The following CLSTN2 variants were observed in gnomAD, a reference collection of about 807,000 sequenced individuals.
CLSTN2 encodes calsyntenin 2, also known as calsyntenin-2.
In CLSTN2, 48 loss-of-function variants were observed where a neutral mutation model predicts 101.2. That is an observed-to-expected ratio of 0.47 (90% CI 0.38 to 0.60). The LOEUF (loss-of-function observed/expected upper bound fraction) is 0.60, where lower values mean the gene tolerates loss of function less well. Ranked by LOEUF, CLSTN2 falls within the 20% of genes least tolerant of loss-of-function variation. CLSTN2 has a pLI of 0.00. For synonymous variants in CLSTN2, 481 were observed against 463.6 expected, an observed-to-expected ratio of 1.04 and a Z score of -0.48; for missense variants, 1,160 against 1,238.2, an observed-to-expected ratio of 0.94 and a Z score of 0.95.
At chr3:140,365,287 T>C (rs2087773698) in intron 2 of CLSTN2, among the ~76,000 whole-genome samples, 1 of 152,070 alleles carries the variant, frequency 6.6e-6, no homozygotes, top group Non-Finnish European at 1.5e-5. Context: ...TTGGTGTTGA[T>C]ACAGAGGTGG....
Position 140,089,580 on chromosome 3 carries a change from T to A in CLSTN2, c.110-86371T>A, listed in dbSNP as rs556500502. On this transcript the variant is annotated intron_variant, in intron 1 of 16. Coordinates refer to ENST00000458420, the MANE Select transcript of CLSTN2 (RefSeq NM_022131.3). ...TATTTTGGTCTTCCTTTTCAGCTGGTTTTATTTATTTATTTATTTATTTAT... is the reference window on the plus strand; with the variant it reads ...TATTTTGGTCTTCCTTTTCAGCTGGATTTATTTATTTATTTATTTATTTAT... Among the ~76,000 whole-genome samples, 45 of 146,040 alleles carry A rather than the reference T, an allele frequency of 3.1e-4. No homozygotes were observed. In the South Asian group the frequency reaches 9.3e-3, roughly 30 times the overall value.
At chr3:140,048,047 A>T (rs1413237321) in intron 1 of CLSTN2, among the ~76,000 whole-genome samples, 2 of 152,240 alleles carry the variant, frequency 1.3e-5, no homozygotes, top group African/African-American at 2.4e-5. Context: ...AAATGACCAG[A>T]AGAATATTGT....
At chr3:140,060,250 C>T (rs1216239623) in intron 1 of CLSTN2, among the ~76,000 whole-genome samples, 1 of 152,094 alleles carries the variant, frequency 6.6e-6, no homozygotes, top group Admixed American at 6.6e-5. Context: ...ACTGGTTCTC[C>T]AGATGGTAGG....
intron 8 of CLSTN2, among the ~76,000 whole-genome samples, chr3:140,509,781 C>T (rs1934771913): frequency 6.6e-6 from 1 of 152,184 alleles, no homozygotes; most frequent in Non-Finnish European, 1.5e-5. Flanking sequence ...CACATCAACA[C>T]CGTCAGCTCT....
chr3:140,167,212 C>T (rs992759908), intron 1 of CLSTN2, among the ~76,000 whole-genome samples: 1 of 152,192 alleles, frequency 6.6e-6, no homozygotes. Flanking sequence ...TGTGGCTGGC[C>T]TTGCTCCTTC....
At chr3:140,545,689 A>G (rs1447969226) in intron 9 of CLSTN2, among the ~76,000 whole-genome samples, 1 of 152,154 alleles carries the variant, frequency 6.6e-6, no homozygotes, top group African/African-American at 2.4e-5. Context: ...CCAGGGAGAA[A>G]AAAGGAGGGA....
At chr3:140,284,025 C>T (rs546237949) in intron 2 of CLSTN2, among the ~76,000 whole-genome samples, 9 of 152,146 alleles carry the variant, frequency 5.9e-5, no homozygotes, top group Non-Finnish European at 1.3e-4. Flanking sequence ...GTAAATTTCA[C>T]CTTGAGCAGC....
In CLSTN2 at chr3:140,448,547, T is replaced by C. The variant is rs374901988; in HGVS notation, c.816T>C (p.Pro272=). The change falls in exon 6 of 17, where the codon CCT becomes CCC. Residue 272 remains proline, a synonymous_variant. Transcript: ENST00000458420. ...GGACCAAGAGGATTGAGTACCAGCC[T>C]GGCTCCGGGAGCATGCCCCTGTTCC... The part of the protein sequence containing the change: ...QDWTKRIEYQ[P]GSGSMPLFPS... The C allele has an allele frequency of 9.3e-6, 15 of 1,613,978 alleles. No individual in the cohort carries two copies. The highest frequency in any genetic ancestry group is 2.7e-5 in the African/African-American group (2 of 74,922).
chr3:140,218,366 G>T (rs560517759), intron 2 of CLSTN2, among the ~76,000 whole-genome samples: 3 of 152,236 alleles, frequency 2.0e-5, no homozygotes, highest in African/African-American at 7.2e-5. Flanking sequence ...TGGTGTTTCT[G>T]CCATAATCCA....
At chr3:140,127,000 C>G (rs1285882845) in intron 1 of CLSTN2, among the ~76,000 whole-genome samples, 1 of 139,972 alleles carries the variant, frequency 7.1e-6, no homozygotes, top group African/African-American at 2.7e-5. Context: ...TCAAGGTTAT[C>G]ACTATGTGTC....
chr3:140,398,924 A>G (rs1213066570), intron 2 of CLSTN2, among the ~76,000 whole-genome samples: 1 of 152,216 alleles, frequency 6.6e-6, no homozygotes, highest in East Asian at 1.9e-4. Flanking sequence ...ACCTGCTCAC[A>G]GGACTGAGGG....
chr3:140,266,532 G>A (rs1244056000), intron 2 of CLSTN2, among the ~76,000 whole-genome samples: 1 of 152,152 alleles, frequency 6.6e-6, no homozygotes, highest in East Asian at 1.9e-4. Flanking sequence ...GCTATTCAAA[G>A]ATGCATCACT....
At chr3:140,334,573 T>A (rs1487550017) in intron 2 of CLSTN2, among the ~76,000 whole-genome samples, 2 of 152,238 alleles carry the variant, frequency 1.3e-5, no homozygotes, top group Admixed American at 6.5e-5. Context: ...CAGCACCTTA[T>A]GAGGAGCCAC....
chr3:140,122,376 A>G (rs1186176466), intron 1 of CLSTN2, among the ~76,000 whole-genome samples: 1 of 152,214 alleles, frequency 6.6e-6, no homozygotes, highest in Non-Finnish European at 1.5e-5. Flanking sequence ...TGAGGAGAAG[A>G]ACATTTGGTA....
At chr3:140,418,089 G>T (rs2088450901) in intron 4 of CLSTN2, among the ~76,000 whole-genome samples, 1 of 152,084 alleles carries the variant, frequency 6.6e-6, no homozygotes, top group Non-Finnish European at 1.5e-5. Context: ...TTTTGTAAGA[G>T]GAGTATCTTT....
At chr3:140,275,322 G>C (rs2086783394) in intron 2 of CLSTN2, among the ~76,000 whole-genome samples, 2 of 151,838 alleles carry the variant, frequency 1.3e-5, no homozygotes, top group African/African-American at 4.8e-5. Flanking sequence ...ACCCAGGCTG[G>C]ATTGCAGCAG....
chr3:140,256,190 T>A (rs541960407), intron 2 of CLSTN2, among the ~76,000 whole-genome samples: 19 of 152,266 alleles, frequency 1.2e-4, no homozygotes, highest in Middle Eastern at 3.4e-3. Flanking sequence ...CTCCCATCCT[T>A]CACCCCACTA....
rs181359304 is a variant in CLSTN2, at chr3:140,039,811, A to C, written c.109+104328A>C. Among the ~76,000 whole-genome samples the C allele has an allele frequency of 1.1e-3, 166 of 152,342 alleles. 2 individuals carry two copies. The highest frequency in any genetic ancestry group is 3.7e-3 in the African/African-American group (153 of 41,588). On this transcript the variant is annotated intron_variant, in intron 1 of 16. Coordinates refer to ENST00000458420, the MANE Select transcript of CLSTN2 (RefSeq NM_022131.3). Reference sequence around the variant, plus strand: ...CATATGTGTATAAATAGACATAGATATATTACAAAGTATTTAACTTATTAA... The same window carrying C: ...CATATGTGTATAAATAGACATAGATCTATTACAAAGTATTTAACTTATTAA...
At chr3:140,200,307 A>T (rs1467301466) in intron 2 of CLSTN2, among the ~76,000 whole-genome samples, 1 of 152,194 alleles carries the variant, frequency 6.6e-6, no homozygotes, top group African/African-American at 2.4e-5. Context: ...TGCCGTAAAA[A>T]ATTCTTGGAG....
Sources: gnomAD v4.1 joint callset for allele counts (sites outside exome capture counted in the v4.1 genomes callset) on GRCh38, gnomAD v4.1.1 for gene constraint, MANE v1.5 for transcripts, NCBI Gene and HGNC (gene_info 2026-07-23, HGNC 2026-07-21) for gene names.